Variants in SET observed in about 807,000 individuals in gnomAD.
The protein encoded by SET is SET nuclear proto-oncogene, also known as protein SET.
Under a neutral mutation model 39.0 loss-of-function variants are expected in SET, and 4 were observed. The observed-to-expected ratio is 0.10, with a 90% CI of 0.05 to 0.23. SET has a LOEUF of 0.23. Among genes scored for constraint, SET ranks in the 10% least tolerant of loss-of-function variants. SET has a pLI of 1.00. For synonymous variants in SET, 114 were observed against 115.9 expected, an observed-to-expected ratio of 0.98 and a Z score of 0.11; for missense variants, 137 against 329.7, an observed-to-expected ratio of 0.42 and a Z score of 4.53.
rs766722740 is a variant in SET, at chr9:128,694,003, TGAAGAA to T, written c.774_779del (p.Glu258_Glu259del). 6 of 1,538,714 alleles carry T rather than the reference TGAAGAA, an allele frequency of 3.9e-6. No homozygotes were observed. The highest frequency in any genetic ancestry group is 5.3e-6 in the Non-Finnish European group (6 of 1,125,420). On this transcript the variant is annotated inframe_deletion, in exon 7 of 8. Coordinates refer to ENST00000322030, the MANE Select transcript of SET (RefSeq NM_003011.4). Reference sequence around the variant, plus strand: ...ACGAAGAAGGGGATGAGGATGAAGGTGAAGAAGATGAAGATGATGATGAAGGGGAGG... The same window carrying T: ...ACGAAGAAGGGGATGAGGATGAAGGTGATGAAGATGATGATGAAGGGGAGG...
In SET at chr9:128,694,237, T is replaced by TTGGG. The variant is rs1861648195; in HGVS notation, c.810+195_810+196insTGGG. On this transcript the variant is annotated intron_variant, in intron 7 of 7. Coordinates refer to ENST00000322030, the MANE Select transcript of SET (RefSeq NM_003011.4). ...TACTAATGTTTAACTAGGTTTTTTT[T>TTGGG]GGTTTTTTTTTGGGTTTTTTTGGTT... Among the ~76,000 whole-genome samples the TTGGG allele has an allele frequency of 3.4e-5, 5 of 145,304 alleles. No homozygotes were observed. In the South Asian group the frequency reaches 6.7e-4, roughly 20 times the overall value.
In SET at chr9:128,692,957, C is replaced by G. The variant is rs752017523; in HGVS notation, c.468C>G (p.Thr156=). ...NESGDPSSKS[T]EIKWKSGKDL... ...GTGGTGATCCATCTTCGAAGTCCAC[C>G]GAAATCAAATGGAAATCTGGAAAGG... Residue 156 remains threonine (T), a synonymous_variant, in exon 5 of 8, where the codon ACC becomes ACG. Transcript: ENST00000322030. The G allele has an allele frequency of 1.6e-5, 25 of 1,597,898 alleles. No homozygotes were observed. The Admixed American group carries it at 4.2e-4, about 27-fold the overall frequency.
chr9:128,689,306 A>G lies in SET; in HGVS notation c.-277A>G. On this transcript the variant is annotated 5_prime_UTR_variant, in exon 1 of 8. Transcript: ENST00000322030. ...CTGGATCGCCGAGCGCGAGTGAGGG[A>G]GCCGAGCCGCCCGCCGCCGCCGCCT... 1 of 1,022,874 alleles carries G rather than the reference A, an allele frequency of 9.8e-7. No homozygotes were observed. The highest frequency in any genetic ancestry group is 1.2e-6 in the Non-Finnish European group (1 of 854,032). 63.4% of individuals were successfully genotyped at this position (1,022,874 alleles called of 1,614,324 possible). A position where few individuals can be genotyped will look rare whatever the true frequency, so the allele number is the denominator to read the frequency against.
Position 128,689,545 on chromosome 9 carries a change from C to T in SET, c.-38C>T, listed in dbSNP as rs1357671981. Reference sequence around the variant, plus strand: ...CCGCCCCCTTCGCCTTCCCTTCTCTCCCCCTCCCCGCTCCCCCCCCGACCG... The same window carrying T: ...CCGCCCCCTTCGCCTTCCCTTCTCTTCCCCTCCCCGCTCCCCCCCCGACCG... On this transcript the variant is annotated 5_prime_UTR_variant, in exon 1 of 8. Transcript: ENST00000322030. The T allele has an allele frequency of 8.0e-6, 9 of 1,129,598 alleles. No individual in the cohort carries two copies. The highest frequency in any genetic ancestry group is 1.7e-5 in the African/African-American group (1 of 60,474). The allele number at this position is 1,129,598 out of a possible 1,614,324, so 70.0% of individuals were successfully genotyped here. A position where few individuals can be genotyped will look rare whatever the true frequency, so the allele number is the denominator to read the frequency against.
chr9:128,694,513 C>T (rs1372654913), intron 7 of SET, 128 bp from the exon 8 acceptor site: 11 of 566,360 alleles, frequency 1.9e-5, no homozygotes, highest in South Asian at 9.2e-5. Context: ...GTGTTTCCTT[C>T]GATGCAGCTG....
In SET at chr9:128,690,841, A is replaced by G. The variant is rs139381118; in HGVS notation, c.74-329A>G. 508 of 313,090 alleles carry G rather than the reference A, an allele frequency of 1.6e-3. 1 individual carries two copies. Among genetic ancestry groups the G allele is most frequent in the Non-Finnish European group, 2.7e-3 (440 of 165,496 alleles). 19.4% of individuals were successfully genotyped at this position (313,090 alleles called of 1,614,324 possible). A position where few individuals can be genotyped will look rare whatever the true frequency, so the allele number is the denominator to read the frequency against. ...TGTTCTCTTGCAAGTGTATAATGTGAAATAATAAACGTGAAGACTTCTGAA... is the reference window on the plus strand; with the variant it reads ...TGTTCTCTTGCAAGTGTATAATGTGGAATAATAAACGTGAAGACTTCTGAA... On this transcript the variant is annotated intron_variant, in intron 1 of 7. Transcript: ENST00000322030.
Position 128,689,596 on chromosome 9 carries a change from C to A in SET, c.14C>A (p.Ala5Glu). Residue 5 changes from alanine to glutamate, a missense_variant, in exon 1 of 8, where the codon GCG becomes GAG. Ala to Glu is a moderately radical substitution (Grantham distance 107). Transcript: ENST00000322030. MSAPAAKVSKKELNS... is the reference protein window; with the variant it reads MSAPEAKVSKKELNS... The stretch of plus-strand genomic sequence containing the variant: ...CGGAGCAGCACCATGTCGGCGCCGG[C>A]GGCCAAAGTCAGTAAAAAGGAGCTC... The A allele has an allele frequency of 1.5e-6, 2 of 1,378,404 alleles. No homozygotes were observed. The highest frequency in any genetic ancestry group is 1.9e-6 in the Non-Finnish European group (2 of 1,047,516). The allele number at this position is 1,378,404 out of a possible 1,614,324, so 85.4% of individuals were successfully genotyped here. A position where few individuals can be genotyped will look rare whatever the true frequency, so the allele number is the denominator to read the frequency against.
chr9:128,693,536 T>A (rs41304846), intron 5 of SET, 102 bp from the exon 6 acceptor site: 4 of 1,236,532 alleles, frequency 3.2e-6, no homozygotes, highest in Non-Finnish European at 3.3e-6. Flanking sequence ...TATACTGATA[T>A]TTGTTTTGCT....
chr9:128,695,893 T>TC lies in SET; in HGVS notation c.*1231dup. 2 of 227,830 alleles carry TC rather than the reference T, an allele frequency of 8.8e-6. No homozygotes were observed. Among genetic ancestry groups the TC allele is most frequent in the Non-Finnish European group, 1.8e-5 (2 of 114,124 alleles). The allele number at this position is 227,830 out of a possible 1,614,324, so 14.1% of individuals were successfully genotyped here. On this transcript the variant is annotated 3_prime_UTR_variant, in exon 8 of 8. Coordinates refer to ENST00000322030, the MANE Select transcript of SET (RefSeq NM_003011.4). ...AAATTAATTGTGCCTGCCACCACCA[T>TC]CCAACAGACCTGGTGCTCTAATGCC...
intron 1 of SET, chr9:128,690,485 C>T (rs1861488830): frequency 6.5e-6 from 1 of 153,112 alleles, no homozygotes; most frequent in South Asian, 2.1e-4. Context: ...CCAGAGCACA[C>T]CCCCTTTTCT....
chr9:128,685,043 C>T (rs971050083), upstream of SET: 27 of 1,493,148 alleles, frequency 1.8e-5, no homozygotes, highest in African/African-American at 8.5e-5. Context: ...TGCAAGGAAA[C>T]GGGAAGCTTT....
upstream of SET, among the ~76,000 whole-genome samples, chr9:128,688,393 C>T (rs1861361096): frequency 6.6e-6 from 1 of 152,178 alleles, no homozygotes; most frequent in South Asian, 2.1e-4. Context: ...TTGTTGGCCC[C>T]TTTCATCTCT....
intron 1 of SET, chr9:128,689,911 C>T (rs1861452941): frequency 6.5e-6 from 1 of 153,890 alleles, no homozygotes; most frequent in African/African-American, 2.5e-5. Flanking sequence ...GAGGAGACCC[C>T]CCCTTCCTCT....
Position 128,690,056 on chromosome 9 carries a change from C to T in SET, c.73+401C>T, listed in dbSNP as rs1360364884. On this transcript the variant is annotated intron_variant, in intron 1 of 7. Coordinates refer to ENST00000322030, the MANE Select transcript of SET (RefSeq NM_003011.4). ...GGCCGGACGCGGCCCCGCGCCCGAC[C>T]TCCCGCGCGGTTCCGCTTCGCGCCC... 1.3e-5 allele frequency: 12 copies of T among 955,504 alleles called. No individual in the cohort carries two copies. In the African/African-American group the frequency reaches 2.0e-4, roughly 16 times the overall value. The allele number at this position is 955,504 out of a possible 1,614,324, so 59.2% of individuals were successfully genotyped here.
At chr9:128,692,575 G>C in intron 3 of SET, 87 bp from the exon 4 acceptor site, 1 of 893,982 alleles carries the variant, frequency 1.1e-6, no homozygotes, top group South Asian at 1.4e-5. Context: ...TGCTCACTAA[G>C]TTCGGAAAAA....
upstream of SET, chr9:128,684,970 C>G: frequency 7.3e-7 from 1 of 1,367,414 alleles, no homozygotes; most frequent in Non-Finnish European, 9.6e-7. Context: ...GTGACTAGGT[C>G]TGGCTCATAG....
At chr9:128,686,045 C>G (rs570034963), upstream of SET, among the ~76,000 whole-genome samples, 420 of 151,638 alleles carry the variant, frequency 2.8e-3, 7 homozygotes, top group East Asian at 0.031. Context: ...AAAAAACAAC[C>G]AGAGGGGCCA....
In SET at chr9:128,693,049, C is replaced by T. The variant is rs12342940; in HGVS notation, c.492+68C>T. On this transcript the variant is annotated intron_variant, in intron 5 of 7. Coordinates refer to ENST00000322030, the MANE Select transcript of SET (RefSeq NM_003011.4). ...ATTTCAGTTTAGTTTTAACCACTTA[C>T]AAGTGCTTGATACTTTGGTCATGTG... 372 of 1,023,948 alleles carry T rather than the reference C, an allele frequency of 3.6e-4. No individual in the cohort carries two copies. The African/African-American group carries it at 5.3e-3, about 15-fold the overall frequency. 63.4% of individuals were successfully genotyped at this position (1,023,948 alleles called of 1,614,324 possible). A position where few individuals can be genotyped will look rare whatever the true frequency, so the allele number is the denominator to read the frequency against.
intron 1 of SET, chr9:128,689,941 TCCCCCTCC>T: frequency 9.7e-6 from 1 of 102,842 alleles, no homozygotes; most frequent in South Asian, 2.9e-4. Context: ...CTCGCTCTCC[TCCCCCTCC>T]CTCCCTCCCG....
Sources: gnomAD v4.1 joint callset for allele counts (sites outside exome capture counted in the v4.1 genomes callset) on GRCh38, gnomAD v4.1.1 for gene constraint, MANE v1.5 for transcripts, NCBI Gene and HGNC (gene_info 2026-07-23, HGNC 2026-07-21) for gene names.